The following TMEM132C variants were observed in gnomAD, a reference collection of about 807,000 sequenced individuals.
TMEM132C encodes protein phosphatase 1, regulatory subunit 152.
Under a neutral mutation model 61.4 loss-of-function variants are expected in TMEM132C, and 29 were observed. The observed-to-expected ratio is 0.47, with a 90% CI of 0.35 to 0.64. The LOEUF (loss-of-function observed/expected upper bound fraction) is 0.64. Among genes scored for constraint, TMEM132C ranks in the 30% least tolerant of loss-of-function variants. TMEM132C has a pLI of 0.00. For synonymous variants in TMEM132C, 656 were observed against 633.1 expected (o/e 1.04, Z -0.54); for missense variants, 1,408 against 1,476.9 (o/e 0.95, Z 0.76).
chr12:128,543,881 C>T, intron 2 of TMEM132C, 76 bp from the exon 3 acceptor site: 1 of 1,490,272 alleles, frequency 6.7e-7, no homozygotes, highest in Non-Finnish European at 8.9e-7. Flanking sequence ...AAGGTGACAA[C>T]TCTGCAGAGC....
chr12:128,352,033 C>G (rs1341291569), intron 1 of TMEM132C, among the ~76,000 whole-genome samples: 1 of 152,148 alleles, frequency 6.6e-6, no homozygotes, highest in African/African-American at 2.4e-5. Flanking sequence ...GGAAAAATGT[C>G]TTACTCAGGG....
In TMEM132C at chr12:128,620,631, C is replaced by A. The variant is rs964456201; in HGVS notation, c.1305+4296C>A. Among the ~76,000 whole-genome samples, 4 of 152,300 alleles carry A rather than the reference C, an allele frequency of 2.6e-5. No individual in the cohort carries two copies. In the East Asian group the frequency reaches 5.8e-4, roughly 22 times the overall value. On this transcript the variant is annotated intron_variant, in intron 4 of 8. Transcript: ENST00000435159. The stretch of plus-strand genomic sequence containing the variant: ...AATTTTGGCGGTGTAGGAAGAAGTT[C>A]TTTGCCCCCGGGACTGATATATTTA...
chr12:128,387,022 T>G (rs1384571572), intron 1 of TMEM132C, among the ~76,000 whole-genome samples: 1 of 151,138 alleles, frequency 6.6e-6, no homozygotes, highest in African/African-American at 2.4e-5. Context: ...ACATCTGTGG[T>G]CCCTGCTACT....
rs1482377917 is a variant in TMEM132C at position 128,570,040 on chromosome 12, A to G, written c.1121+25937A>G. ...TGCCGTTAACGTGAGAAGTGAAAGG[A>G]GAGATGGAGAATAAACACTGTCCAT... On this transcript the variant is annotated intron_variant, in intron 3 of 8. Coordinates refer to ENST00000435159, the MANE Select transcript of TMEM132C (RefSeq NM_001136103.3). This position sits in a 1 kb window ranked among gnomAD's most constrained non-coding sequence, Gnocchi z 4.7. Among the ~76,000 whole-genome samples the G allele has an allele frequency of 6.6e-6, 1 of 152,208 alleles. No individual in the cohort carries two copies. Among genetic ancestry groups the G allele is most frequent in the Non-Finnish European group, 1.5e-5 (1 of 68,040 alleles).
intron 1 of TMEM132C, among the ~76,000 whole-genome samples, chr12:128,414,173 C>T (rs1296857148): frequency 2.0e-5 from 3 of 151,998 alleles, no homozygotes; most frequent in Non-Finnish European, 4.4e-5. Context: ...GACTGCTTGA[C>T]CCCAGGAGTT....
chr12:128,557,594 G>C (rs1369594411), intron 3 of TMEM132C, among the ~76,000 whole-genome samples: 1 of 152,154 alleles, frequency 6.6e-6, no homozygotes, highest in African/African-American at 2.4e-5. Flanking sequence ...CTGGACACTA[G>C]AGCAGGATTT....
In TMEM132C at chr12:128,415,063, A is replaced by T; in HGVS notation, c.417A>T (p.Lys139Asn). Residue 139 changes from lysine (K) to asparagine (N), a missense_variant, in exon 2 of 9, where the codon AAA (lysine) becomes AAT (asparagine). Coordinates refer to ENST00000435159, the MANE Select transcript of TMEM132C (RefSeq NM_001136103.3). This position sits in a 1 kb window ranked among gnomAD's most constrained non-coding sequence, Gnocchi z 5.8. ...WKLKAHILRD[K>N]VYLSRPKVQV... is the part of the protein sequence containing the mutation. ...TAAAAGCCCACATCCTGCGGGACAA[A>T]GTCTACCTGAGCCGGCCCAAAGTGC... The T allele has an allele frequency of 6.3e-7, 1 of 1,596,708 alleles. No individual in the cohort carries two copies. Among genetic ancestry groups the T allele is most frequent in the East Asian group, 2.3e-5 (1 of 43,996 alleles).
At chr12:128,396,404 AAG>A (rs751154530) in intron 1 of TMEM132C, among the ~76,000 whole-genome samples, 101 of 152,062 alleles carry the variant, frequency 6.6e-4, no homozygotes, top group Non-Finnish European at 6.9e-4. Flanking sequence ...GGGGCAGGGG[AAG>A]AGAGAGAATT....
intron 1 of TMEM132C, among the ~76,000 whole-genome samples, chr12:128,376,437 C>T (rs1203613798): frequency 6.6e-6 from 1 of 152,178 alleles, no homozygotes; most frequent in Non-Finnish European, 1.5e-5. Context: ...TTCGGGACAT[C>T]TCTTGTTATA....
At chr12:128,395,924 C>T (rs573401604) in intron 1 of TMEM132C, among the ~76,000 whole-genome samples, 23 of 152,184 alleles carry the variant, frequency 1.5e-4, no homozygotes, top group Non-Finnish European at 3.2e-4. Context: ...AGTAAACAGA[C>T]TTACCTAATA....
chr12:128,341,553 C>G (rs1019798531), intron 1 of TMEM132C, among the ~76,000 whole-genome samples: 1 of 152,138 alleles, frequency 6.6e-6, no homozygotes, highest in Admixed American at 6.5e-5. Flanking sequence ...AAATATATTA[C>G]GCAAGCTCTC....
chr12:128,445,339 G>T (rs1048411291), intron 2 of TMEM132C, among the ~76,000 whole-genome samples: 2 of 152,160 alleles, frequency 1.3e-5, no homozygotes, highest in African/African-American at 4.8e-5. Flanking sequence ...GATTCGAGTG[G>T]CCTCTTTTCC....
rs1416689482 is a variant in TMEM132C, at chr12:128,415,473, G to A, written c.827G>A (p.Arg276Gln). The A allele has an allele frequency of 7.1e-6, 11 of 1,551,498 alleles. No individual in the cohort carries two copies. The highest frequency in any genetic ancestry group is 3.9e-5 in the Admixed American group (2 of 50,970). ...AGGATCGGCACCGTCGGCCTTTACC[G>A]GGCCCAGGACAGCGCCCAGCTCAGC... ...LQRIGTVGLY[R>Q]AQDSAQLSEL... The change falls in exon 2 of 9, where the codon CGG becomes CAG. Residue 276 changes from arginine to glutamine, a missense_variant. Physicochemically the swap from Arg to Gln is conservative, Grantham distance 43. Transcript: ENST00000435159. The surrounding 1 kb of genome is among the most constrained non-coding windows in gnomAD (Gnocchi z 5.8).
chr12:128,394,106 G>T (rs563917062), intron 1 of TMEM132C, among the ~76,000 whole-genome samples: 40 of 152,284 alleles, frequency 2.6e-4, no homozygotes, highest in Non-Finnish European at 5.0e-4. Context: ...AAGGTGAAAG[G>T]CGTGTCTTAC....
chr12:128,576,439 AAC>A (rs1397591911), intron 3 of TMEM132C, among the ~76,000 whole-genome samples: 4 of 152,208 alleles, frequency 2.6e-5, no homozygotes, highest in Non-Finnish European at 5.9e-5. Flanking sequence ...AGTTAATTAA[AAC>A]AGCCCGTGAG....
At chr12:128,513,431 T>C (rs1872626751) in intron 2 of TMEM132C, among the ~76,000 whole-genome samples, 1 of 152,170 alleles carries the variant, frequency 6.6e-6, no homozygotes, top group Non-Finnish European at 1.5e-5. Flanking sequence ...TCTTAATTCC[T>C]TTGCCCTGCC....
intron 2 of TMEM132C, among the ~76,000 whole-genome samples, chr12:128,428,832 T>A (rs757603939): frequency 2.0e-5 from 3 of 152,168 alleles, no homozygotes; most frequent in Non-Finnish European, 2.9e-5. Flanking sequence ...AGTTTCTACA[T>A]AGAGATGATA....
intron 3 of TMEM132C, among the ~76,000 whole-genome samples, chr12:128,558,881 G>T (rs760938721): frequency 6.6e-6 from 1 of 152,188 alleles, no homozygotes; most frequent in Non-Finnish European, 1.5e-5. Flanking sequence ...CTTTCCTAAG[G>T]TATATTCCCC....
intron 2 of TMEM132C, among the ~76,000 whole-genome samples, chr12:128,487,543 G>T (rs556231805): frequency 1.3e-5 from 2 of 151,302 alleles, no homozygotes; most frequent in South Asian, 4.2e-4. Flanking sequence ...CGTGAAAGGC[G>T]TAGATCTTAA....
Sources: allele counts gnomAD v4.1 joint callset (sites outside exome capture counted in the v4.1 genomes callset), GRCh38; gene constraint gnomAD v4.1.1; non-coding constraint Gnocchi (gnomAD v3.1); transcripts MANE v1.5; gene names NCBI Gene and HGNC (gene_info 2026-07-23, HGNC 2026-07-21).